The following PVT1 variants were observed in gnomAD, a reference collection of about 807,000 sequenced individuals.
PVT1 encodes the protein Pvt1 oncogene, also known as CXCR4/PVT1 fusion.
chr8:128,098,193 G>T (rs550846193), intron 6 of PVT1, among the ~76,000 whole-genome samples: 1 of 152,246 alleles, frequency 6.6e-6, no homozygotes, highest in South Asian at 2.1e-4. Flanking sequence ...TGGGCTCAGG[G>T]GTTGGGAACA....
intron 4 of PVT1, among the ~76,000 whole-genome samples, chr8:128,003,547 T>C (rs569740781): frequency 6.6e-6 from 1 of 152,228 alleles, no homozygotes; most frequent in South Asian, 2.1e-4. Context: ...GATTTCATCA[T>C]GTTGCCCAGG....
intron 4 of PVT1, among the ~76,000 whole-genome samples, chr8:128,041,387 G>A (rs1563673236): frequency 6.7e-6 from 1 of 149,532 alleles, no homozygotes; most frequent in Non-Finnish European, 1.5e-5. Flanking sequence ...GTGCATATGT[G>A]TATGTGTGTG....
At chr8:127,818,005 C>G (rs1311700852) in intron 2 of PVT1, among the ~76,000 whole-genome samples, 1 of 152,190 alleles carries the variant, frequency 6.6e-6, no homozygotes, top group African/African-American at 2.4e-5. Context: ...AGAGGCAGAA[C>G]TGATGCCCAG....
At chr8:127,857,096 G>A (rs1815169608) in intron 2 of PVT1, among the ~76,000 whole-genome samples, 1 of 152,140 alleles carries the variant, frequency 6.6e-6, no homozygotes, top group Non-Finnish European at 1.5e-5. Context: ...CGTGGTGGCA[G>A]GCACCTGTAA....
intron 4 of PVT1, among the ~76,000 whole-genome samples, chr8:128,002,682 C>T (rs991765591): frequency 6.6e-6 from 1 of 152,102 alleles, no homozygotes; most frequent in African/African-American, 2.4e-5. Context: ...TCCAAATTTC[C>T]CTTTTCTTAG....
At chr8:128,085,154 C>T (rs530034076) in intron 5 of PVT1, among the ~76,000 whole-genome samples, 2 of 152,130 alleles carry the variant, frequency 1.3e-5, no homozygotes, top group Admixed American at 6.5e-5. Context: ...ACTGTCAAGC[C>T]GAAGAGGTCC....
chr8:128,028,798 G>A (rs144767128), intron 4 of PVT1, among the ~76,000 whole-genome samples: 11 of 152,260 alleles, frequency 7.2e-5, no homozygotes, highest in East Asian at 3.9e-4. Context: ...TAAAAGACTC[G>A]TGTGAAAGAG....
intron 2 of PVT1, among the ~76,000 whole-genome samples, chr8:127,863,038 G>A (rs1159849810): frequency 6.6e-6 from 1 of 151,802 alleles, no homozygotes. Flanking sequence ...CTTTGCAAGT[G>A]AATACAAGGA....
At chr8:127,972,609 G>T (rs1452095906) in intron 3 of PVT1, among the ~76,000 whole-genome samples, 2 of 152,064 alleles carry the variant, frequency 1.3e-5, no homozygotes, top group East Asian at 3.9e-4. Context: ...TGTGGTGGCA[G>T]GCACCTGTAA....
At chr8:128,073,616 C>T (rs1447803929) in intron 5 of PVT1, among the ~76,000 whole-genome samples, 2 of 152,124 alleles carry the variant, frequency 1.3e-5, no homozygotes, top group African/African-American at 4.8e-5. Context: ...GAGGAATGGT[C>T]TGCTACCCTC....
intron 3 of PVT1, among the ~76,000 whole-genome samples, chr8:127,904,049 A>G (rs1375375338): frequency 6.6e-6 from 1 of 152,226 alleles, no homozygotes; most frequent in Admixed American, 6.5e-5. Context: ...GATTCTTCCA[A>G]TCAATGAGCA....
intron 5 of PVT1, among the ~76,000 whole-genome samples, chr8:128,070,534 A>C (rs1390763088): frequency 6.6e-6 from 1 of 152,198 alleles, no homozygotes. Context: ...TTGACAGCTC[A>C]ACCACCTCAG....
intron 2 of PVT1, among the ~76,000 whole-genome samples, chr8:127,862,078 C>G (rs1815234458): frequency 6.6e-6 from 1 of 152,158 alleles, no homozygotes; most frequent in Non-Finnish European, 1.5e-5. Context: ...ATAGTGTGAG[C>G]ATTCTAATTA....
intron 4 of PVT1, among the ~76,000 whole-genome samples, chr8:127,995,427 C>G (rs1817092966): frequency 6.6e-6 from 1 of 152,174 alleles, no homozygotes; most frequent in South Asian, 2.1e-4. Context: ...CTCTTTGAAA[C>G]CTATTGGACT....
chr8:127,879,918 G>GGGTGATCTT (rs1815446299), intron 2 of PVT1, among the ~76,000 whole-genome samples: 1 of 152,206 alleles, frequency 6.6e-6, no homozygotes. Flanking sequence ...GGTCTTCGCT[G>GGGTGATCTT]GGTGATCTTG....
At chr8:127,860,635 C>T (rs1046878318) in intron 2 of PVT1, among the ~76,000 whole-genome samples, 2 of 151,842 alleles carry the variant, frequency 1.3e-5, no homozygotes, top group African/African-American at 2.4e-5. Flanking sequence ...CGTGGTGGCA[C>T]GTGCCTGTAA....
At chr8:128,100,137 C>CCCAA (rs1814485054) in intron 6 of PVT1, among the ~76,000 whole-genome samples, 1 of 144,688 alleles carries the variant, frequency 6.9e-6, no homozygotes, top group African/African-American at 2.6e-5. Context: ...ATCCCTCCCT[C>CCCAA]CCTTCCTTCC....
chr8:127,838,852 T>C (rs1350610032), intron 2 of PVT1, among the ~76,000 whole-genome samples: 2 of 152,218 alleles, frequency 1.3e-5, no homozygotes, highest in African/African-American at 4.8e-5. Context: ...CATAATGATG[T>C]GTGGATCAGC....
intron 2 of PVT1, among the ~76,000 whole-genome samples, chr8:127,809,899 A>G (rs1586388717): frequency 6.6e-6 from 1 of 152,212 alleles, no homozygotes; most frequent in Non-Finnish European, 1.5e-5. Flanking sequence ...TCTCCTATCC[A>G]TGTGGTACAT....
Sources: allele counts gnomAD v4.1 joint callset (sites outside exome capture counted in the v4.1 genomes callset), GRCh38; gene constraint gnomAD v4.1.1; transcripts MANE v1.5; gene names NCBI Gene and HGNC (gene_info 2026-07-23, HGNC 2026-07-21).